The following POTEI variants were observed in gnomAD, a reference collection of about 807,000 sequenced individuals.
The protein encoded by POTEI is POTE ankyrin domain family member I, also known as POTE ankyrin domain family, member I.
A neutral mutation model predicts 43.4 loss-of-function variants in POTEI; 14 were observed. The ratio of observed to expected loss-of-function variants is 0.32; its 90% CI spans 0.21 to 0.50. The LOEUF (loss-of-function observed/expected upper bound fraction) is 0.50. POTEI is among the 20% of genes least tolerant of loss of function. POTEI has a pLI of 0.98. For synonymous variants in POTEI, 95 were observed against 297.9 expected (o/e 0.32, Z 7.01); for missense variants, 235 against 795.4 (o/e 0.30, Z 8.47).
At chr2:130,480,488 C>A (rs1683373739) in intron 10 of POTEI, among the ~76,000 whole-genome samples, 1 of 150,188 alleles carries the variant, frequency 6.7e-6, no homozygotes, top group Non-Finnish European at 1.5e-5. Flanking sequence ...CGGGCAATCT[C>A]ATTAGATGTT....
At chr2:130,475,048 T>G in intron 11 of POTEI, 97 bp from the exon 12 acceptor site, 1 of 367,500 alleles carries the variant, frequency 2.7e-6, no homozygotes, top group Non-Finnish European at 4.7e-6. Context: ...TATTCTGAAG[T>G]AATCAAGTAT....
In POTEI at chr2:130,460,157, T is replaced by G. The variant is rs1682580603; in HGVS notation, c.*2659A>C. The G allele has an allele frequency of 6.6e-6, 1 of 150,380 alleles. No individual in the cohort carries two copies. Among genetic ancestry groups the G allele is most frequent in the African/African-American group, 2.5e-5 (1 of 39,760 alleles). The allele number at this position is 150,380 out of a possible 1,614,324, so 9.3% of individuals were successfully genotyped here. A position where few individuals can be genotyped will look rare whatever the true frequency, so the allele number is the denominator to read the frequency against. ...AAGCTATGGTGTGGGCATCTAAGAG[T>G]GCCCCGTAAGCAGGTGTGGCCAGGC... On this transcript the variant is annotated 3_prime_UTR_variant, in exon 15 of 15. Coordinates refer to ENST00000451531, the MANE Select transcript of POTEI (RefSeq NM_001277406.2).
In POTEI at chr2:130,495,165, C is replaced by A. The variant is rs1321430696; in HGVS notation, c.1126+1387G>T. On this transcript the variant is annotated intron_variant, in intron 6 of 14. Transcript: ENST00000451531. ...GCATGCTTACCTTAAATCATACCTA[C>A]TTTTTCCCAAAACTTTCATTCCTCA... Among the ~76,000 whole-genome samples, 2 of 46,626 alleles carry A rather than the reference C, an allele frequency of 4.3e-5. 1 individual carries two copies. Among genetic ancestry groups the A allele is most frequent in the Non-Finnish European group, 1.1e-4 (2 of 18,612 alleles). The allele number at this position is 46,626 out of a possible 152,430, so 30.6% of individuals were successfully genotyped here.
chr2:130,507,301 TATATATATATATATATACACAC>T (rs1684194433), intron 1 of POTEI, among the ~76,000 whole-genome samples: 1 of 10,658 alleles, frequency 9.4e-5, no homozygotes. Flanking sequence ...TATATATATA[TATATATATATATATATACACAC>T]ACACACACAC....
chr2:130,491,526 T>C (rs991755722), intron 6 of POTEI, among the ~76,000 whole-genome samples: 16 of 127,930 alleles, frequency 1.3e-4, no homozygotes, highest in Admixed American at 4.3e-4. Flanking sequence ...CTGCCTCCTG[T>C]TTTCTGCAAC....
chr2:130,492,902 T>C (rs4044414), intron 6 of POTEI, among the ~76,000 whole-genome samples: 41 of 151,792 alleles, frequency 2.7e-4, no homozygotes, highest in South Asian at 1.3e-3. Flanking sequence ...GATTTCTATC[T>C]AGTCTTCCTA....
At position 130,474,110 on chromosome 2, in the gene POTEI, C is replaced by T. The variant is rs566103049; in HGVS notation, c.1778+268G>A. Reference sequence around the variant, plus strand: ...TTTACCTATATAATAAACCTGCACACGTACCCGAAGCTAAAATAAAAGTTC... The same window carrying T: ...TTTACCTATATAATAAACCTGCACATGTACCCGAAGCTAAAATAAAAGTTC... On this transcript the variant is annotated intron_variant, in intron 13 of 14. Coordinates refer to ENST00000451531, the MANE Select transcript of POTEI (RefSeq NM_001277406.2). Among the ~76,000 whole-genome samples the T allele has an allele frequency of 6.1e-5, 9 of 148,256 alleles. 2 individuals carry two copies. Among genetic ancestry groups the T allele is most frequent in the East Asian group, 6.0e-4 (3 of 5,042 alleles).
chr2:130,479,350 CATT>C (rs1298971630), intron 10 of POTEI, among the ~76,000 whole-genome samples: 1 of 146,558 alleles, frequency 6.8e-6, no homozygotes, highest in African/African-American at 2.6e-5. Context: ...AGATTTCTAA[CATT>C]ATTTATTTCA....
intron 9 of POTEI, among the ~76,000 whole-genome samples, chr2:130,482,487 A>AT (rs1181231830): frequency 2.0e-5 from 3 of 150,642 alleles, no homozygotes; most frequent in South Asian, 2.1e-4. Flanking sequence ...ACAAGATAAC[A>AT]TTTTTTTAAA....
intron 10 of POTEI, among the ~76,000 whole-genome samples, chr2:130,477,160 T>A (rs1315477166): frequency 7.0e-6 from 1 of 141,922 alleles, no homozygotes; most frequent in Non-Finnish European, 1.5e-5. Context: ...TTCTTTTTTC[T>A]TTTTTTTTTT....
In POTEI at chr2:130,502,102, G is replaced by C. The variant is rs540188629; in HGVS notation, c.810+1344C>G. On this transcript the variant is annotated intron_variant, in intron 3 of 14. Transcript: ENST00000451531. ...TGTTGTCGTCGTCGTTGTTGTTGTT[G>C]TTGTTGTTAGAGACAGGGTCTCATT... Among the ~76,000 whole-genome samples the C allele has an allele frequency of 8.6e-3, 419 of 48,788 alleles. 61 individuals are homozygous for C. The highest frequency in any genetic ancestry group is 0.017 in the African/African-American group (388 of 23,438). 32.0% of individuals were successfully genotyped at this position (48,788 alleles called of 152,430 possible).
At chr2:130,467,674 C>A (rs1682879256) in intron 13 of POTEI, among the ~76,000 whole-genome samples, 1 of 152,116 alleles carries the variant, frequency 6.6e-6, no homozygotes, top group African/African-American at 2.4e-5. Flanking sequence ...AATCATCAAA[C>A]AACAACTTAT....
Position 130,460,221 on chromosome 2 carries a change from A to C in POTEI, c.*2595T>G, listed in dbSNP as rs1682581619. On this transcript the variant is annotated 3_prime_UTR_variant, in exon 15 of 15. Coordinates refer to ENST00000451531, the MANE Select transcript of POTEI (RefSeq NM_001277406.2). ...GAGGCGAGCAGACTAAGGAGTGCTG[A>C]GATCAGACCAGCCCCATCTCAAGTG... 1 of 151,426 alleles carries C rather than the reference A, an allele frequency of 6.6e-6. No individual in the cohort carries two copies. The highest frequency in any genetic ancestry group is 2.4e-5 in the African/African-American group (1 of 40,892). 9.4% of individuals were successfully genotyped at this position (151,426 alleles called of 1,614,324 possible).
In POTEI at chr2:130,508,888, G is replaced by C. The variant is rs1301930298; in HGVS notation, c.348C>G (p.Asn116Lys). The C allele has an allele frequency of 5.7e-6, 9 of 1,588,892 alleles. No individual in the cohort carries two copies. Among genetic ancestry groups the C allele is most frequent in the East Asian group, 2.4e-5 (1 of 41,634 alleles). ...CGTCGTAGTCTCCCCAAGCACCCAC[G>C]TTGCTCTTGCCGCTCCCCCTGCAGC... ...FPCCRGSGKS[N>K]VGAWGDYDDS... The change falls in exon 1 of 15, where the codon AAC (asparagine) becomes AAG (lysine). Residue 116 changes from asparagine (N) to lysine (K), a missense_variant. Physicochemically the swap from Asn to Lys is moderately conservative, Grantham distance 94. Coordinates refer to ENST00000451531, the MANE Select transcript of POTEI (RefSeq NM_001277406.2).
At chr2:130,477,590 C>A (rs1248075417) in intron 10 of POTEI, among the ~76,000 whole-genome samples, 2 of 147,766 alleles carry the variant, frequency 1.4e-5, no homozygotes, top group African/African-American at 5.1e-5. Flanking sequence ...TACATTATTC[C>A]TCCACATGTC....
At chr2:130,478,671 C>T (rs1683287899) in intron 10 of POTEI, among the ~76,000 whole-genome samples, 1 of 125,750 alleles carries the variant, frequency 8.0e-6, no homozygotes, top group Admixed American at 8.6e-5. Flanking sequence ...ATGCTCCTTG[C>T]TCTTTCTTTT....
intron 13 of POTEI, among the ~76,000 whole-genome samples, chr2:130,473,775 G>A (rs1354622603): frequency 2.4e-5 from 1 of 41,666 alleles, no homozygotes; most frequent in African/African-American, 4.7e-5. Context: ...TGTTCAAAAT[G>A]TATTTACCAA....
rs1046696275 is a variant in POTEI at position 130,460,454 on chromosome 2, A to C, written c.*2362T>G. The C allele has an allele frequency of 2.6e-5, 4 of 151,808 alleles. No individual in the cohort carries two copies. Among genetic ancestry groups the C allele is most frequent in the African/African-American group, 7.3e-5 (3 of 41,250 alleles). 9.4% of individuals were successfully genotyped at this position (151,808 alleles called of 1,614,324 possible). ...GGCTGGTATGACCTCAGTATTCCTAAAGTGCTGGGATAAAGTGTCTCACAA... is the reference window on the plus strand; with the variant it reads ...GGCTGGTATGACCTCAGTATTCCTACAGTGCTGGGATAAAGTGTCTCACAA... On this transcript the variant is annotated 3_prime_UTR_variant, in exon 15 of 15. Transcript: ENST00000451531.
At chr2:130,496,761 G>A in intron 5 of POTEI, 139 bp from the exon 6 acceptor site, 1 of 541,216 alleles carries the variant, frequency 1.8e-6, no homozygotes, top group Non-Finnish European at 3.4e-6. Flanking sequence ...CCACTTATGA[G>A]TACATTCTAC....
Sources: allele counts gnomAD v4.1 joint callset (sites outside exome capture counted in the v4.1 genomes callset), GRCh38; gene constraint gnomAD v4.1.1; transcripts MANE v1.5; gene names NCBI Gene and HGNC (gene_info 2026-07-23, HGNC 2026-07-21).